DENND1A: variants seen among roughly 807,000 people sequenced by gnomAD.
DENND1A encodes DENN domain containing 1A.
DENND1A carries 51 observed loss-of-function variants against 113.7 expected under a neutral mutation model. The ratio of observed to expected loss-of-function variants is 0.45; its 90% confidence interval spans 0.36 to 0.57. The LOEUF is 0.57. DENND1A is among the 20% of genes least tolerant of loss of function. The probability of loss-of-function intolerance (pLI) is 0.00; values close to 1 mark genes in which losing one functional copy is unlikely to be tolerated. For synonymous variants in DENND1A, 565 were observed against 570.8 expected, an observed-to-expected ratio of 0.99 and a Z score of 0.14; for missense variants, 1,258 against 1,395.9, an observed-to-expected ratio of 0.90 and a Z score of 1.57.
intron 11 of DENND1A, among the ~76,000 whole-genome samples, chr9:123,591,194 A>G (rs1374217348): frequency 6.6e-6 from 1 of 152,220 alleles, no homozygotes; most frequent in Non-Finnish European, 1.5e-5. Context: ...TATGAAAACA[A>G]TGGGATTTCC....
intron 8 of DENND1A, among the ~76,000 whole-genome samples, chr9:123,652,802 T>C (rs1384780710): frequency 1.3e-5 from 2 of 152,228 alleles, no homozygotes; most frequent in Non-Finnish European, 2.9e-5. Flanking sequence ...CAGCAGCAAG[T>C]TGTGACAAAG....
intron 1 of DENND1A, among the ~76,000 whole-genome samples, chr9:123,881,862 T>G (rs140838547): frequency 1.1e-4 from 16 of 152,350 alleles, no homozygotes; most frequent in Non-Finnish European, 2.1e-4. Context: ...CACAGACCTC[T>G]GCATTGCTAA....
intron 5 of DENND1A, among the ~76,000 whole-genome samples, chr9:123,728,496 A>ACAAAAAAAAC (rs1433114817): frequency 3.9e-4 from 58 of 147,350 alleles, no homozygotes; most frequent in African/African-American, 1.4e-3. Context: ...AAAAAAAAAA[A>ACAAAAAAAAC]AAAAAAAAAA....
chr9:123,668,130 C>T (rs1283318250), intron 7 of DENND1A, among the ~76,000 whole-genome samples: 1 of 152,022 alleles, frequency 6.6e-6, no homozygotes, highest in Non-Finnish European at 1.5e-5. Flanking sequence ...GAGCTTGGTG[C>T]CGGCCAATTA....
rs1589584076 is a variant in DENND1A at position 123,666,291 on chromosome 9, T to C, written c.507+735A>G. On this transcript the variant is annotated intron_variant, in intron 8 of 23. Transcript: ENST00000394215. Reference sequence around the variant, plus strand: ...ATCTGATTCTACATAGTACTATTTATAATCATAGTAAAACATTTTGAAAAC... The same window carrying C: ...ATCTGATTCTACATAGTACTATTTACAATCATAGTAAAACATTTTGAAAAC... 2.0e-5 allele frequency among the ~76,000 whole-genome samples: 3 copies of C among 152,216 alleles called. No homozygotes were observed. The East Asian group carries it at 5.8e-4, about 29-fold the overall frequency.
chr9:123,469,903 C>T (rs1445982768), intron 13 of DENND1A, among the ~76,000 whole-genome samples: 1 of 152,170 alleles, frequency 6.6e-6, no homozygotes, highest in African/African-American at 2.4e-5. Flanking sequence ...GAGTTTGAAA[C>T]GAAGTCTGTC....
At chr9:123,542,677 G>A (rs1416960374) in intron 13 of DENND1A, among the ~76,000 whole-genome samples, 1 of 152,016 alleles carries the variant, frequency 6.6e-6, no homozygotes, top group African/African-American at 2.4e-5. Flanking sequence ...AAAAGTTTGA[G>A]TATCTCTTCA....
intron 11 of DENND1A, among the ~76,000 whole-genome samples, chr9:123,592,847 C>T: frequency 6.6e-6 from 1 of 152,048 alleles, no homozygotes; most frequent in South Asian, 2.1e-4. Flanking sequence ...CCTCACACTT[C>T]AAGAAAATGT....
intron 12 of DENND1A, among the ~76,000 whole-genome samples, chr9:123,562,899 C>A (rs997258225): frequency 2.6e-5 from 4 of 152,130 alleles, no homozygotes; most frequent in Non-Finnish European, 5.9e-5. Flanking sequence ...GCAGGGCCAG[C>A]AGCCAGCACA....
chr9:123,389,430 G>C (rs2042728973), intron 21 of DENND1A, among the ~76,000 whole-genome samples: 1 of 152,194 alleles, frequency 6.6e-6, no homozygotes, highest in East Asian at 1.9e-4. Flanking sequence ...TCCTGGACTC[G>C]AGGGGGCTCT....
intron 5 of DENND1A, among the ~76,000 whole-genome samples, chr9:123,711,481 T>TAAA (rs1233510468): frequency 3.4e-5 from 3 of 89,050 alleles, no homozygotes; most frequent in African/African-American, 1.9e-4. Context: ...AATAATAAAT[T>TAAA]AAAAAATATA....
intron 5 of DENND1A, among the ~76,000 whole-genome samples, chr9:123,684,702 T>A (rs1383720109): frequency 6.6e-6 from 1 of 152,218 alleles, no homozygotes; most frequent in African/African-American, 2.4e-5. Context: ...AGTCCAAACA[T>A]CACACATTTC....
intron 21 of DENND1A, among the ~76,000 whole-genome samples, chr9:123,395,353 G>A (rs1216494407): frequency 3.3e-5 from 5 of 152,200 alleles, no homozygotes; most frequent in South Asian, 2.1e-4. Context: ...GGGGATCCTG[G>A]GTGGGCAGAA....
chr9:123,407,958 G>A (rs1370980137), intron 20 of DENND1A, among the ~76,000 whole-genome samples: 2 of 152,176 alleles, frequency 1.3e-5, no homozygotes, highest in Admixed American at 1.3e-4. Flanking sequence ...CCTTCGTCCA[G>A]GAGACACTGG....
chr9:123,415,250 G>C (rs2044630473), intron 19 of DENND1A, among the ~76,000 whole-genome samples: 1 of 152,188 alleles, frequency 6.6e-6, no homozygotes, highest in African/African-American at 2.4e-5. Context: ...AGTTTTCCCT[G>C]CGGGTTGTCG....
chr9:123,587,114 CCAG>C (rs1434401507), intron 11 of DENND1A, among the ~76,000 whole-genome samples: 2 of 151,310 alleles, frequency 1.3e-5, no homozygotes, highest in Non-Finnish European at 2.9e-5. Context: ...ACTGGATATA[CCAG>C]CATTTATTAT....
chr9:123,667,432 T>A (rs1374996162), intron 7 of DENND1A, among the ~76,000 whole-genome samples: 1 of 152,086 alleles, frequency 6.6e-6, no homozygotes, highest in Non-Finnish European at 1.5e-5. Context: ...CTGGCCAACA[T>A]GGTGAAACCC....
At chr9:123,706,378 C>G (rs2140831931) in intron 5 of DENND1A, among the ~76,000 whole-genome samples, 1 of 151,938 alleles carries the variant, frequency 6.6e-6, no homozygotes, top group Middle Eastern at 3.4e-3. Flanking sequence ...TCTCAAATTC[C>G]TGACCTCATG....
chr9:123,811,823 A>T (rs1328056298), intron 2 of DENND1A, among the ~76,000 whole-genome samples: 2 of 152,254 alleles, frequency 1.3e-5, no homozygotes, highest in Non-Finnish European at 2.9e-5. Flanking sequence ...ATATATTTTT[A>T]AAATAAAGTG....
Sources: allele counts gnomAD v4.1 joint callset (sites outside exome capture counted in the v4.1 genomes callset), GRCh38; gene constraint gnomAD v4.1.1; transcripts MANE v1.5; gene names NCBI Gene and HGNC (gene_info 2026-07-23, HGNC 2026-07-21).